Variants in RGS7 observed in about 807,000 individuals in gnomAD.
The protein encoded by RGS7 is regulator of G-protein signaling 7.
A neutral mutation model predicts 81.1 loss-of-function variants in RGS7; 27 were observed. The ratio of observed to expected loss-of-function variants is 0.33; its 90% CI spans 0.25 to 0.46. The LOEUF is 0.46. Ranked by LOEUF, RGS7 falls within the 20% of genes least tolerant of loss-of-function variation. RGS7 has a pLI of 1.00. For synonymous variants in RGS7, 208 were observed against 207.7 expected (o/e 1.00, Z -0.01); for missense variants, 396 against 607.4 (o/e 0.65, Z 3.66).
At chr1:240,904,382 C>T (rs1464813906) in intron 6 of RGS7, among the ~76,000 whole-genome samples, 1 of 152,146 alleles carries the variant, frequency 6.6e-6, no homozygotes, top group Non-Finnish European at 1.5e-5. Context: ...TCAACACACA[C>T]ATACAAACAC....
intron 6 of RGS7, among the ~76,000 whole-genome samples, chr1:240,876,129 CT>C (rs1352451335): frequency 6.6e-6 from 1 of 152,172 alleles, no homozygotes; most frequent in African/African-American, 2.4e-5. Flanking sequence ...AGCCACCTCC[CT>C]TTCAACTCTT....
chr1:241,056,981 T>A (rs1463399791), intron 3 of RGS7, among the ~76,000 whole-genome samples: 1 of 152,198 alleles, frequency 6.6e-6, no homozygotes, highest in Non-Finnish European at 1.5e-5. Context: ...TCCTCTCACT[T>A]TATTTCCTAG....
intron 2 of RGS7, 102 bp downstream of exon 2, chr1:241,355,597 T>C (rs2083511887): frequency 9.9e-7 from 1 of 1,007,888 alleles, no homozygotes. Context: ...ATCTGGGAAA[T>C]CCACAAGGCC....
intron 2 of RGS7, among the ~76,000 whole-genome samples, chr1:241,338,196 C>G (rs2082347684): frequency 6.6e-6 from 1 of 152,140 alleles, no homozygotes; most frequent in Non-Finnish European, 1.5e-5. Context: ...AGGAACTCAT[C>G]TCCATGGTTA....
At chr1:240,930,543 C>G (rs887268376) in intron 6 of RGS7, among the ~76,000 whole-genome samples, 174 bp downstream of exon 6, 1 of 152,018 alleles carries the variant, frequency 6.6e-6, no homozygotes, top group Non-Finnish European at 1.5e-5. Context: ...AAAGTTGTCA[C>G]GAGGTCTGGT....
At chr1:241,347,258 GT>G (rs1220122427) in intron 2 of RGS7, among the ~76,000 whole-genome samples, 1 of 152,142 alleles carries the variant, frequency 6.6e-6, no homozygotes, top group Non-Finnish European at 1.5e-5. Context: ...GTCAGGAAGT[GT>G]TTTGCAAAGA....
chr1:241,074,073 G>C (rs2062653674), intron 3 of RGS7, among the ~76,000 whole-genome samples: 1 of 151,992 alleles, frequency 6.6e-6, no homozygotes. Context: ...GCTAATTTTT[G>C]TATTTTTAGT....
chr1:241,297,978 C>T (rs546128274), intron 2 of RGS7, among the ~76,000 whole-genome samples: 66 of 152,272 alleles, frequency 4.3e-4, no homozygotes, highest in African/African-American at 1.6e-3. Flanking sequence ...TACCAGAACA[C>T]AGGTGTGCAT....
chr1:240,920,204 G>C (rs1487004901), intron 6 of RGS7: 4 of 1,123,234 alleles, frequency 3.6e-6, no homozygotes, highest in Non-Finnish European at 5.4e-6. Flanking sequence ...CAAAGCAAGA[G>C]ATAGCTAGTG....
intron 3 of RGS7, among the ~76,000 whole-genome samples, chr1:241,046,175 T>A (rs1044793201): frequency 2.6e-5 from 4 of 152,194 alleles, no homozygotes; most frequent in African/African-American, 9.7e-5. Context: ...CAACTTTATT[T>A]CAGGTTCAGT....
At chr1:241,308,963 G>T (rs968060996) in intron 2 of RGS7, among the ~76,000 whole-genome samples, 1 of 152,144 alleles carries the variant, frequency 6.6e-6, no homozygotes, top group Non-Finnish European at 1.5e-5. Flanking sequence ...GATCAGCTAC[G>T]TGAGAGTGGT....
At chr1:241,304,062 T>G (rs577501447) in intron 2 of RGS7, among the ~76,000 whole-genome samples, 1 of 152,356 alleles carries the variant, frequency 6.6e-6, no homozygotes, top group African/African-American at 2.4e-5. Flanking sequence ...TAAGAGAAAT[T>G]TATATTAATC....
intron 18 of RGS7, among the ~76,000 whole-genome samples, chr1:240,796,015 G>A (rs949408876): frequency 2.0e-5 from 3 of 152,010 alleles, no homozygotes; most frequent in African/African-American, 7.3e-5. Context: ...TTGAACTCTT[G>A]GCCTAGAGCC....
At chr1:241,216,122 C>T (rs898770320) in intron 2 of RGS7, among the ~76,000 whole-genome samples, 2 of 150,862 alleles carry the variant, frequency 1.3e-5, no homozygotes, top group Non-Finnish European at 3.0e-5. Context: ...TATAAAAAAA[C>T]GTAGCCGGGC....
At chr1:241,251,332 C>T (rs1243344841) in intron 2 of RGS7, among the ~76,000 whole-genome samples, 1 of 151,942 alleles carries the variant, frequency 6.6e-6, no homozygotes, top group Non-Finnish European at 1.5e-5. Flanking sequence ...TTTAGCAAGA[C>T]AAGAAACTCT....
chr1:240,920,025 G>T (rs1396994677), intron 6 of RGS7: 2 of 1,197,462 alleles, frequency 1.7e-6, no homozygotes, highest in Non-Finnish European at 2.5e-6. Flanking sequence ...AGATTATTTT[G>T]AACAGTTTGG....
chr1:240,775,326 C>G (rs1009607215), downstream of RGS7, among the ~76,000 whole-genome samples: 1 of 152,204 alleles, frequency 6.6e-6, no homozygotes. Context: ...AAAAGGATTA[C>G]TAAGTCTCAG....
intron 3 of RGS7, among the ~76,000 whole-genome samples, chr1:241,049,985 C>G (rs34852180): frequency 0.19 from 28,451 of 150,246 alleles, 2,950 homozygotes; most frequent in Non-Finnish European, 0.24. Flanking sequence ...TTTCTCACAC[C>G]TGGCCAAGAC....
chr1:240,782,440 C>T (rs922718342), intron 18 of RGS7, among the ~76,000 whole-genome samples: 8 of 151,970 alleles, frequency 5.3e-5, no homozygotes, highest in African/African-American at 9.7e-5. Context: ...TTAAATTTTT[C>T]GAGACAGGGT....
Sources: gnomAD v4.1 joint callset for allele counts (sites outside exome capture counted in the v4.1 genomes callset) on GRCh38, gnomAD v4.1.1 for gene constraint, MANE v1.5 for transcripts, NCBI Gene and HGNC (gene_info 2026-07-23, HGNC 2026-07-21) for gene names.